FAM135B: variants seen among roughly 807,000 people sequenced by gnomAD.
FAM135B encodes the protein family with sequence similarity 135 member B, also known as protein FAM135B.
In FAM135B, 43 loss-of-function variants were observed where a neutral mutation model predicts 127.7. The observed-to-expected ratio is 0.34, with a 90% confidence interval of 0.26 to 0.43. The LOEUF (loss-of-function observed/expected upper bound fraction) is 0.43. FAM135B is among the 20% of genes least tolerant of loss of function. The pLI is 1.00. For missense variants in FAM135B, 1,558 were observed against 1,725.6 expected (o/e 0.90, Z 1.72); for synonymous variants, 670 against 665.1 (o/e 1.01, Z -0.11).
chr8:138,325,794 A>G (rs969724299), intron 2 of FAM135B, among the ~76,000 whole-genome samples: 1 of 152,186 alleles, frequency 6.6e-6, no homozygotes, highest in Admixed American at 6.5e-5. Flanking sequence ...TTTTTGTGTC[A>G]ACTTAAAGCA....
chr8:138,142,877 G>C (rs569103270), intron 16 of FAM135B, 135 bp downstream of exon 16: 128 of 594,648 alleles, frequency 2.2e-4, no homozygotes, highest in Non-Finnish European at 2.3e-4. Context: ...TGCTTTAAAA[G>C]TAATTTATTA....
intron 12 of FAM135B, among the ~76,000 whole-genome samples, chr8:138,164,083 G>T (rs572192983): frequency 1.3e-5 from 2 of 152,130 alleles, no homozygotes; most frequent in Non-Finnish European, 2.9e-5. Context: ...ATCTGATAAC[G>T]TCATGGCAAG....
chr8:138,304,554 G>A (rs1484361311), intron 3 of FAM135B, among the ~76,000 whole-genome samples: 2 of 152,186 alleles, frequency 1.3e-5, no homozygotes, highest in African/African-American at 4.8e-5. Context: ...CTTTCTATAA[G>A]TCCATTGGGA....
intron 3 of FAM135B, among the ~76,000 whole-genome samples, chr8:138,267,883 A>C (rs2130651231): frequency 6.6e-6 from 1 of 152,350 alleles, no homozygotes; most frequent in East Asian, 1.9e-4. Context: ...GCGGCTATTA[A>C]ATAAAAATGA....
At chr8:138,356,850 G>A (rs1470442362) in intron 2 of FAM135B, among the ~76,000 whole-genome samples, 1 of 152,166 alleles carries the variant, frequency 6.6e-6, no homozygotes, top group Non-Finnish European at 1.5e-5. Context: ...CACTTAAAAA[G>A]TGCAGATCCA....
At chr8:138,266,777 TACACACACACACACATACACACAC>T (rs940971894) in intron 3 of FAM135B, among the ~76,000 whole-genome samples, 4 of 7,432 alleles carry the variant, frequency 5.4e-4, no homozygotes, top group African/African-American at 1.2e-3. Context: ...TACATATATA[TACACACACACACACATACACACAC>T]ATACACACAC....
chr8:138,248,619 A>G (rs1355665887), intron 6 of FAM135B, among the ~76,000 whole-genome samples: 3 of 152,046 alleles, frequency 2.0e-5, no homozygotes, highest in Admixed American at 2.0e-4. Flanking sequence ...CAGGAATTTG[A>G]GACCAGTATG....
At chr8:138,339,418 ACTC>A (rs1828883597) in intron 2 of FAM135B, among the ~76,000 whole-genome samples, 1 of 148,334 alleles carries the variant, frequency 6.7e-6, no homozygotes, top group South Asian at 2.2e-4. Context: ...TTTTCCCTGA[ACTC>A]CTCCCCCACC....
chr8:138,334,186 G>C (rs1828384097), intron 2 of FAM135B, among the ~76,000 whole-genome samples: 1 of 152,104 alleles, frequency 6.6e-6, no homozygotes, highest in South Asian at 2.1e-4. Flanking sequence ...GCCTCCCAAA[G>C]TGCTGGGATT....
chr8:138,315,241 G>A lies in FAM135B; in HGVS notation c.78-4321C>T, dbSNP rs12680622. The stretch of plus-strand genomic sequence containing the variant: ...GTACTCAATGTTACTAATCACCAGG[G>A]AAACACAAATCAAAACCACAACAAC... On this transcript the variant is annotated intron_variant, in intron 2 of 19. Coordinates refer to ENST00000395297, the MANE Select transcript of FAM135B (RefSeq NM_015912.4). Among the ~76,000 whole-genome samples the A allele has an allele frequency of 1.5e-4, 23 of 152,036 alleles. No homozygotes were observed. In the East Asian group the frequency reaches 4.3e-3, roughly 28 times the overall value.
In FAM135B at chr8:138,130,264, A is replaced by G. The variant is rs769320463; in HGVS notation, c.*2329T>C. The G allele has an allele frequency of 4.0e-5, 6 of 151,558 alleles. No individual in the cohort carries two copies. Among genetic ancestry groups the G allele is most frequent in the Non-Finnish European group, 8.8e-5 (6 of 67,946 alleles). 9.4% of individuals were successfully genotyped at this position (151,558 alleles called of 1,614,324 possible). ...TCTATATTTCAATAGAAAGAGACATAAAAAAGCCTTTTCAAATGAGGCATG... is the reference window on the plus strand; with the variant it reads ...TCTATATTTCAATAGAAAGAGACATGAAAAAGCCTTTTCAAATGAGGCATG... On this transcript the variant is annotated 3_prime_UTR_variant, in exon 20 of 20. Transcript: ENST00000395297.
intron 2 of FAM135B, among the ~76,000 whole-genome samples, chr8:138,337,262 A>G (rs1310038954): frequency 1.3e-5 from 2 of 151,282 alleles, no homozygotes; most frequent in Admixed American, 6.6e-5. Context: ...GGCCAGGGCA[A>G]TTAGGCAGGA....
chr8:138,153,422 C>G (rs199944734), intron 12 of FAM135B, among the ~76,000 whole-genome samples: 1 of 152,084 alleles, frequency 6.6e-6, no homozygotes, highest in Non-Finnish European at 1.5e-5. Flanking sequence ...GGTACCGGGT[C>G]CATCTCATTG....
intron 3 of FAM135B, among the ~76,000 whole-genome samples, chr8:138,300,307 G>A (rs1825794166): frequency 1.3e-5 from 2 of 151,402 alleles, no homozygotes; most frequent in Non-Finnish European, 1.5e-5. Context: ...GGTTAAAAAC[G>A]AGCCTGTGGC....
rs118113981 is a variant in FAM135B at position 138,284,685 on chromosome 8, C to T, written c.158-18843G>A. ...CCTTGTGGACCCAGAGGCTTCAACT[C>T]GCCCCTCACCTCTCAGTTCAGGCAT... On this transcript the variant is annotated intron_variant, in intron 3 of 19. Transcript: ENST00000395297. Among the ~76,000 whole-genome samples, 126 of 151,962 alleles carry T rather than the reference C, an allele frequency of 8.3e-4. 1 individual carries two copies. The East Asian group carries it at 0.016, about 19-fold the overall frequency.
intron 7 of FAM135B, among the ~76,000 whole-genome samples, chr8:138,231,474 C>T (rs1819903549): frequency 6.6e-6 from 1 of 152,162 alleles, no homozygotes; most frequent in South Asian, 2.1e-4. Context: ...TTAGACTCAG[C>T]TTCACTAACT....
At chr8:138,232,792 G>A (rs1220402606) in intron 7 of FAM135B, among the ~76,000 whole-genome samples, 1 of 151,932 alleles carries the variant, frequency 6.6e-6, no homozygotes, top group African/African-American at 2.4e-5. Flanking sequence ...TAAAATGCCA[G>A]TAAAAACTTT....
chr8:138,255,794 C>T (rs1008546813), intron 5 of FAM135B, among the ~76,000 whole-genome samples: 1 of 152,128 alleles, frequency 6.6e-6, no homozygotes, highest in Admixed American at 6.5e-5. Context: ...ACAAGAACAT[C>T]CTAAGGGCAG....
chr8:138,373,533 C>A (rs148382067), intron 1 of FAM135B, among the ~76,000 whole-genome samples: 549 of 151,540 alleles, frequency 3.6e-3, no homozygotes, highest in Middle Eastern at 6.8e-3. Flanking sequence ...GAAATCTGGG[C>A]TCCTTGAAAA....
Sources: gnomAD v4.1 joint callset for allele counts (sites outside exome capture counted in the v4.1 genomes callset) on GRCh38, gnomAD v4.1.1 for gene constraint, MANE v1.5 for transcripts, NCBI Gene and HGNC (gene_info 2026-07-23, HGNC 2026-07-21) for gene names.